The following LMBR1 variants were observed in gnomAD, a reference collection of about 807,000 sequenced individuals.
LMBR1 encodes the protein limb region 1 protein homolog.
Under a neutral mutation model 73.9 loss-of-function variants are expected in LMBR1, and 52 were observed. The observed-to-expected ratio is 0.70, with a 90% CI of 0.56 to 0.89. The LOEUF (loss-of-function observed/expected upper bound fraction) is 0.89. Ranked by LOEUF, LMBR1 falls within the 40% of genes least tolerant of loss-of-function variation. The pLI, the probability that LMBR1 is intolerant of heterozygous loss-of-function variation, is 0.00. For missense variants in LMBR1, 539 were observed against 579.8 expected, an observed-to-expected ratio of 0.93 and a Z score of 0.72; for synonymous variants, 215 against 209.4, an observed-to-expected ratio of 1.03 and a Z score of -0.23.
intron 15 of LMBR1, among the ~76,000 whole-genome samples, chr7:156,688,748 A>G (rs1209856834): frequency 3.3e-5 from 5 of 151,972 alleles, no homozygotes; most frequent in Non-Finnish European, 7.4e-5. Context: ...TTCTATACTA[A>G]TTACGAGTCT....
chr7:156,885,438 G>C (rs79033812), intron 1 of LMBR1, among the ~76,000 whole-genome samples: 31 of 151,866 alleles, frequency 2.0e-4, no homozygotes, highest in African/African-American at 6.8e-4. Context: ...GCCATACCCA[G>C]GATAAGGAAG....
chr7:156,844,312 A>G (rs1839230425), intron 1 of LMBR1, among the ~76,000 whole-genome samples: 1 of 152,112 alleles, frequency 6.6e-6, no homozygotes, highest in African/African-American at 2.4e-5. Flanking sequence ...TGACAGAACA[A>G]GACTCCGTCT....
intron 12 of LMBR1, among the ~76,000 whole-genome samples, chr7:156,727,346 C>T (rs1815971748): frequency 6.6e-6 from 1 of 152,034 alleles, no homozygotes; most frequent in South Asian, 2.1e-4. Flanking sequence ...TACTATAGGG[C>T]TTGGGACTTG....
At chr7:156,706,597 A>G (rs1215847872) in intron 15 of LMBR1, among the ~76,000 whole-genome samples, 2 of 152,172 alleles carry the variant, frequency 1.3e-5, no homozygotes, top group African/African-American at 2.4e-5. Flanking sequence ...ATACAAGTAC[A>G]CAGAAATTAA....
At chr7:156,711,262 G>A (rs899988480) in intron 15 of LMBR1, among the ~76,000 whole-genome samples, 3 of 152,116 alleles carry the variant, frequency 2.0e-5, no homozygotes, top group Admixed American at 2.0e-4. Context: ...AGTGAGCCAA[G>A]ATTACGCCAC....
intron 15 of LMBR1, among the ~76,000 whole-genome samples, chr7:156,694,305 G>T (rs1344721438): frequency 2.6e-5 from 4 of 152,020 alleles, no homozygotes; most frequent in African/African-American, 7.2e-5. Flanking sequence ...GCTAATTTTT[G>T]TATTTTTTGC....
At chr7:156,759,031 CAT>C (rs1218918797) in intron 8 of LMBR1, among the ~76,000 whole-genome samples, 1 of 152,200 alleles carries the variant, frequency 6.6e-6, no homozygotes, top group East Asian at 1.9e-4. Flanking sequence ...ATGGGTAAGA[CAT>C]AGTCCTTGAC....
chr7:156,729,940 T>A (rs958729486), intron 10 of LMBR1, among the ~76,000 whole-genome samples: 1 of 152,162 alleles, frequency 6.6e-6, no homozygotes, highest in Non-Finnish European at 1.5e-5. Flanking sequence ...ATCAAGACAA[T>A]GAAAATTGAG....
At chr7:156,887,982 T>A (rs1563634055) in intron 1 of LMBR1, among the ~76,000 whole-genome samples, 1 of 151,978 alleles carries the variant, frequency 6.6e-6, no homozygotes, top group African/African-American at 2.4e-5. Flanking sequence ...ACATCCATTT[T>A]AAAAAAAAGA....
intron 2 of LMBR1, among the ~76,000 whole-genome samples, chr7:156,836,031 T>TG (rs1262383118): frequency 6.6e-6 from 1 of 152,186 alleles, no homozygotes; most frequent in Non-Finnish European, 1.5e-5. Flanking sequence ...ATGGAATCCA[T>TG]GGAGTACTTC....
At chr7:156,890,350 T>C (rs934417807) in intron 1 of LMBR1, among the ~76,000 whole-genome samples, 1 of 152,202 alleles carries the variant, frequency 6.6e-6, no homozygotes, top group Non-Finnish European at 1.5e-5. Flanking sequence ...TTAAAATTAA[T>C]AATTTCTGTT....
chr7:156,686,765 G>A (rs1239519573), intron 16 of LMBR1, among the ~76,000 whole-genome samples: 2 of 152,192 alleles, frequency 1.3e-5, no homozygotes, highest in African/African-American at 4.8e-5. Flanking sequence ...CTCATTTAGC[G>A]AATGGAAAGT....
rs893531584 is a variant in LMBR1, at chr7:156,888,299, A to C, written c.66+4629T>G. Among the ~76,000 whole-genome samples the C allele has an allele frequency of 2.0e-5, 3 of 150,916 alleles. No homozygotes were observed. The South Asian group carries it at 6.3e-4, about 32-fold the overall frequency. On this transcript the variant is annotated intron_variant, in intron 1 of 16. Transcript: ENST00000353442. Reference sequence around the variant, plus strand: ...GTGGCGGGTGCCTGTAGTCCCAGCTACTCGGGAGGCTGAGGCAGGAGAATG... The same window carrying C: ...GTGGCGGGTGCCTGTAGTCCCAGCTCCTCGGGAGGCTGAGGCAGGAGAATG...
At chr7:156,887,080 G>C (rs1802028926) in intron 1 of LMBR1, among the ~76,000 whole-genome samples, 1 of 152,164 alleles carries the variant, frequency 6.6e-6, no homozygotes, top group Non-Finnish European at 1.5e-5. Flanking sequence ...GATACTAATA[G>C]CCAAAGTCAA....
At chr7:156,707,240 T>TAA (rs113919302) in intron 15 of LMBR1, among the ~76,000 whole-genome samples, 1 of 152,076 alleles carries the variant, frequency 6.6e-6, no homozygotes, top group African/African-American at 2.4e-5. Context: ...TTGAATCCAT[T>TAA]AAAAAAATCT....
intron 4 of LMBR1, among the ~76,000 whole-genome samples, chr7:156,818,668 CTT>C (rs767362873): frequency 6.6e-6 from 1 of 152,152 alleles, no homozygotes; most frequent in Non-Finnish European, 1.5e-5. Flanking sequence ...CAACCACCAC[CTT>C]TACCTAACTC....
rs1406606601 is a variant in LMBR1, at chr7:156,669,299, C to G, written n.867-12G>C. On this transcript the variant is annotated splice_polypyrimidine_tract_variant and intron_variant and non_coding_transcript_variant, in intron 4 of 4. Coordinates refer to the LMBR1 transcript ENST00000430825. The surrounding 1 kb of genome is among the most constrained non-coding windows in gnomAD (Gnocchi z 4.2). ...CTTCCTGCAGGGAGCTGGGGAGAGA[C>G]AAATAATAAAATATTTTGTTACAAT... The G allele has an allele frequency of 6.6e-6, 1 of 151,930 alleles. No homozygotes were observed. Among genetic ancestry groups the G allele is most frequent in the Non-Finnish European group, 1.5e-5 (1 of 68,008 alleles). The allele number at this position is 151,930 out of a possible 1,614,324, so 9.4% of individuals were successfully genotyped here. A position where few individuals can be genotyped will look rare whatever the true frequency, so the allele number is the denominator to read the frequency against.
intron 15 of LMBR1, among the ~76,000 whole-genome samples, chr7:156,700,094 G>T (rs1315943038): frequency 6.6e-6 from 1 of 152,118 alleles, no homozygotes; most frequent in Non-Finnish European, 1.5e-5. Context: ...ACATGCACAC[G>T]TATGTTTATT....
At chr7:156,883,827 A>G (rs1483304645) in intron 1 of LMBR1, among the ~76,000 whole-genome samples, 4 of 152,066 alleles carry the variant, frequency 2.6e-5, no homozygotes, top group Non-Finnish European at 2.9e-5. Context: ...TGCCTCTCCT[A>G]TAAGGACCCT....
Sources: allele counts gnomAD v4.1 joint callset (sites outside exome capture counted in the v4.1 genomes callset), GRCh38; gene constraint gnomAD v4.1.1; non-coding constraint Gnocchi (gnomAD v3.1); transcripts MANE v1.5; gene names NCBI Gene and HGNC (gene_info 2026-07-23, HGNC 2026-07-21).